Variants in CSE1L observed in about 807,000 individuals in gnomAD.
The protein encoded by CSE1L is exportin-2.
CSE1L carries 24 observed loss-of-function variants against 120.4 expected under a neutral mutation model. The ratio of observed to expected loss-of-function variants is 0.20; its 90% CI spans 0.14 to 0.28. CSE1L has a LOEUF of 0.28. Among genes scored for constraint, CSE1L ranks in the 10% least tolerant of loss-of-function variants. The pLI, the probability that CSE1L is intolerant of heterozygous loss-of-function variation, is 1.00. For synonymous variants in CSE1L, 402 were observed against 398.3 expected, an observed-to-expected ratio of 1.01 and a Z score of -0.11; for missense variants, 830 against 1,145.2, an observed-to-expected ratio of 0.72 and a Z score of 3.97.
chr20:49,077,401 C>T (rs1013699071), intron 13 of CSE1L, among the ~76,000 whole-genome samples: 1 of 152,132 alleles, frequency 6.6e-6, no homozygotes, highest in Non-Finnish European at 1.5e-5. Flanking sequence ...CTCAGGTGAT[C>T]CACCTGCGTC....
At chr20:49,058,354 C>G in intron 1 of CSE1L, 99 bp from the exon 2 acceptor site, 1 of 788,972 alleles carries the variant, frequency 1.3e-6, no homozygotes, top group Non-Finnish European at 2.0e-6. Context: ...AGATGGATGA[C>G]TTTCAGAGAG....
chr20:49,084,937 A>G (rs2092042932), intron 15 of CSE1L, among the ~76,000 whole-genome samples: 1 of 152,248 alleles, frequency 6.6e-6, no homozygotes, highest in African/African-American at 2.4e-5. Context: ...ACAGTTCTGA[A>G]TCTTGGCTCC....
At chr20:49,072,510 G>C (rs2091940356) in intron 9 of CSE1L, 57 bp downstream of exon 9, 1 of 1,605,914 alleles carries the variant, frequency 6.2e-7, no homozygotes, top group Non-Finnish European at 8.5e-7. Flanking sequence ...TCTCCTCCAA[G>C]AAATAAGCTG....
rs148950238 is a variant in CSE1L at position 49,079,704 on chromosome 20, G to A, written c.1482+1082G>A. 5.9e-3 allele frequency among the ~76,000 whole-genome samples: 898 copies of A among 152,164 alleles called. 7 individuals carry two copies. The highest frequency in any genetic ancestry group is 0.011 in the Admixed American group (171 of 15,274). ...CTTAGGTCCCACATTTGGGCCTGCGGAATCCTCATATATGAAAAGCCAGCC... is the reference window on the plus strand; with the variant it reads ...CTTAGGTCCCACATTTGGGCCTGCGAAATCCTCATATATGAAAAGCCAGCC... On this transcript the variant is annotated intron_variant, in intron 14 of 24. Coordinates refer to ENST00000262982, the MANE Select transcript of CSE1L (RefSeq NM_001316.4).
intron 12 of CSE1L, 24 bp from the exon 13 acceptor site, chr20:49,076,956 C>T: frequency 1.3e-6 from 2 of 1,488,076 alleles, no homozygotes; most frequent in South Asian, 1.2e-5. Context: ...TGTTATTTTA[C>T]TATGTTATGA....
rs773882505 is a variant in CSE1L at position 49,091,035 on chromosome 20, A to G, written c.2365+13A>G. On this transcript the variant is annotated intron_variant, in intron 21 of 24. Coordinates refer to ENST00000262982, the MANE Select transcript of CSE1L (RefSeq NM_001316.4). ...AAGTTTATCAAGAGTAAGTAAAATC[A>G]TCTGGATGTTCTACAGAAGTAATGA... is the stretch of plus-strand genomic sequence containing the variant. The G allele has an allele frequency of 5.3e-6, 8 of 1,498,772 alleles. No homozygotes were observed. The South Asian group carries it at 6.9e-5, about 13-fold the overall frequency. 92.8% of individuals were successfully genotyped at this position (1,498,772 alleles called of 1,614,324 possible). A position where few individuals can be genotyped will look rare whatever the true frequency, so the allele number is the denominator to read the frequency against.
intron 12 of CSE1L, 135 bp downstream of exon 12, chr20:49,075,655 C>A: frequency 1.4e-6 from 1 of 737,806 alleles, no homozygotes; most frequent in Non-Finnish European, 2.2e-6. Context: ...TATATAATCT[C>A]TGAAGATGGC....
At chr20:49,092,785 G>A (rs1376820647) in intron 22 of CSE1L, among the ~76,000 whole-genome samples, 1 of 151,686 alleles carries the variant, frequency 6.6e-6, no homozygotes, top group African/African-American at 2.4e-5. Flanking sequence ...CCTGCACGTT[G>A]TGCACATGTA....
intron 1 of CSE1L, among the ~76,000 whole-genome samples, chr20:49,056,318 G>T (rs1200257606): frequency 6.6e-6 from 1 of 152,046 alleles, no homozygotes; most frequent in East Asian, 1.9e-4. Flanking sequence ...TGGCCAGGCT[G>T]GTCTCAAACT....
At chr20:49,081,832 T>G (rs2092014766) in intron 14 of CSE1L, among the ~76,000 whole-genome samples, 1 of 152,200 alleles carries the variant, frequency 6.6e-6, no homozygotes. Context: ...TGCAAAATAT[T>G]TTAAACACAC....
At chr20:49,054,210 T>G (rs947936618) in intron 1 of CSE1L, among the ~76,000 whole-genome samples, 1 of 152,208 alleles carries the variant, frequency 6.6e-6, no homozygotes, top group African/African-American at 2.4e-5. Context: ...GTCAGAACAT[T>G]AGCTTCCTGT....
chr20:49,056,879 G>GTC (rs1319549822), intron 1 of CSE1L, among the ~76,000 whole-genome samples: 4 of 129,470 alleles, frequency 3.1e-5, no homozygotes, highest in Non-Finnish European at 6.6e-5. Context: ...GTGTGTGTGT[G>GTC]TGTGTGTGGT....
chr20:49,048,280 T>C (rs192681415), intron 1 of CSE1L, among the ~76,000 whole-genome samples: 1 of 152,048 alleles, frequency 6.6e-6, no homozygotes, highest in African/African-American at 2.4e-5. Flanking sequence ...TTACTTCTGC[T>C]GGTTGGGGTC....
chr20:49,056,847 CTGTGTGTGTGTGTGTG>C (rs3223230), intron 1 of CSE1L, among the ~76,000 whole-genome samples: 55 of 149,012 alleles, frequency 3.7e-4, no homozygotes, highest in East Asian at 5.9e-4. Context: ...ACTTCACATG[CTGTGTGTGTGTGTGTG>C]TGTGTGTGTG....
rs117186782 is a variant in CSE1L at position 49,048,640 on chromosome 20, A to C, written c.-12+2217A>C. On this transcript the variant is annotated intron_variant, in intron 1 of 24. Coordinates refer to ENST00000262982, the MANE Select transcript of CSE1L (RefSeq NM_001316.4). ...ACAGGAACCGGCTTGGAATATTGAA[A>C]TATTTAAGGAATATCTTAGGTTCCT... Among the ~76,000 whole-genome samples the C allele has an allele frequency of 3.0e-3, 458 of 152,282 alleles. 13 individuals carry two copies. In the East Asian group the frequency reaches 0.035, roughly 11 times the overall value.
intron 14 of CSE1L, among the ~76,000 whole-genome samples, chr20:49,081,190 G>A (rs2092010304): frequency 6.6e-6 from 1 of 152,040 alleles, no homozygotes; most frequent in Admixed American, 6.6e-5. Flanking sequence ...CACCATGTTG[G>A]CCAGACTGGT....
chr20:49,071,758 C>A (rs1024348230), intron 8 of CSE1L, among the ~76,000 whole-genome samples: 3 of 151,938 alleles, frequency 2.0e-5, no homozygotes, highest in Admixed American at 6.6e-5. Context: ...TTTGGGAGGC[C>A]GAGGCCATCC....
At chr20:49,063,423 G>A (rs2091867493) in intron 3 of CSE1L, 79 bp downstream of exon 3, 1 of 973,368 alleles carries the variant, frequency 1.0e-6, no homozygotes, top group Non-Finnish European at 1.4e-6. Flanking sequence ...CAAAGATAAG[G>A]CACGTGCTTG....
In CSE1L at chr20:49,090,762, T is replaced by C. The variant is rs747198397; in HGVS notation, c.2202T>C (p.Phe734=). The part of the protein sequence containing the change: ...ADKIPGLLGV[F]QKLIASKAND... ...AACAGCCTGGGTTACTAGGTGTCTT[T>C]CAGAAGCTGATTGCATCCAAAGCAA... Residue 734 remains phenylalanine, a synonymous_variant, in exon 20 of 25, where the codon TTT becomes TTC. Coordinates refer to ENST00000262982, the MANE Select transcript of CSE1L (RefSeq NM_001316.4). 6.2e-7 allele frequency: 1 copy of C among 1,614,006 alleles called. No homozygotes were observed. Among genetic ancestry groups the C allele is most frequent in the Non-Finnish European group, 8.5e-7 (1 of 1,179,936 alleles).
Sources: allele counts gnomAD v4.1 joint callset (sites outside exome capture counted in the v4.1 genomes callset), GRCh38; gene constraint gnomAD v4.1.1; transcripts MANE v1.5; gene names NCBI Gene and HGNC (gene_info 2026-07-23, HGNC 2026-07-21).